HDAC9: variants seen among roughly 807,000 people sequenced by gnomAD.
HDAC9 encodes histone deacetylase 9, also known as MEF-2 interacting transcription repressor (MITR) protein.
In HDAC9, 41 loss-of-function variants were observed where a neutral mutation model predicts 139.4. The ratio of observed to expected loss-of-function variants is 0.29; its 90% CI spans 0.23 to 0.38. The LOEUF (loss-of-function observed/expected upper bound fraction) is 0.38, where lower values mean the gene tolerates loss of function less well. HDAC9 is among the 10% of genes least tolerant of loss of function. The pLI is 1.00. For synonymous variants in HDAC9, 517 were observed against 476.2 expected, an observed-to-expected ratio of 1.09 and a Z score of -1.12; for missense variants, 1,147 against 1,297.0, an observed-to-expected ratio of 0.88 and a Z score of 1.78.
At chr7:18,144,312 T>C (rs1786134808) in intron 1 of HDAC9, among the ~76,000 whole-genome samples, 1 of 152,202 alleles carries the variant, frequency 6.6e-6, no homozygotes, top group African/African-American at 2.4e-5. Flanking sequence ...TTGTTGTTCC[T>C]CATTCTTTGT....
chr7:18,338,488 CA>C (rs1781751451), intron 1 of HDAC9, among the ~76,000 whole-genome samples: 1 of 151,554 alleles, frequency 6.6e-6, no homozygotes, highest in South Asian at 2.1e-4. Context: ...TTGACATAAA[CA>C]AAAAGTTTAC....
chr7:18,957,945 G>C (rs1343833528), intron 24 of HDAC9, among the ~76,000 whole-genome samples: 1 of 152,176 alleles, frequency 6.6e-6, no homozygotes, highest in African/African-American at 2.4e-5. Context: ...ATTCAGGCAA[G>C]TCTCTAGATA....
At position 18,338,841 on chromosome 7, in the gene HDAC9, T is replaced by G. The variant is rs555465784; in HGVS notation, c.-42+48326T>G. On this transcript the variant is annotated intron_variant, in intron 1 of 3. Coordinates refer to the HDAC9 transcript ENST00000413509. ...GAAGTTTACAGAGAATTGGCATTAT[T>G]ATTATTTTTTTAAATCCTCGGTAGA... Among the ~76,000 whole-genome samples the G allele has an allele frequency of 2.6e-5, 4 of 151,646 alleles. No individual in the cohort carries two copies. In the East Asian group the frequency reaches 7.8e-4, roughly 29 times the overall value.
intron 13 of HDAC9, among the ~76,000 whole-genome samples, chr7:18,740,401 A>T (rs1412779851): frequency 6.6e-6 from 1 of 152,158 alleles, no homozygotes; most frequent in Non-Finnish European, 1.5e-5. Flanking sequence ...GCCATTTTGG[A>T]ATGGACCCAA....
At chr7:18,279,192 C>A (rs1796937120) in intron 2 of HDAC9, among the ~76,000 whole-genome samples, 1 of 152,052 alleles carries the variant, frequency 6.6e-6, no homozygotes, top group Non-Finnish European at 1.5e-5. Flanking sequence ...GTACTTGACA[C>A]AACACAAGGA....
chr7:18,379,691 C>T (rs1265664846), intron 1 of HDAC9, among the ~76,000 whole-genome samples: 1 of 152,138 alleles, frequency 6.6e-6, no homozygotes, highest in East Asian at 1.9e-4. Context: ...CTGAATTTTT[C>T]CCCCAGTATT....
intron 23 of HDAC9, among the ~76,000 whole-genome samples, chr7:18,948,415 G>C (rs1277865131): frequency 6.6e-6 from 1 of 151,840 alleles, no homozygotes; most frequent in Non-Finnish European, 1.5e-5. Flanking sequence ...CACTTAAAAG[G>C]TTTAGTAAAA....
intron 11 of HDAC9, among the ~76,000 whole-genome samples, chr7:18,660,083 G>T (rs574712845): frequency 2.1e-4 from 32 of 152,050 alleles, no homozygotes; most frequent in Non-Finnish European, 4.6e-4. Flanking sequence ...GTAAATAGTC[G>T]GAAATTTACA....
intron 1 of HDAC9, among the ~76,000 whole-genome samples, chr7:18,131,283 A>G (rs2128101842): frequency 6.6e-6 from 1 of 152,304 alleles, no homozygotes; most frequent in South Asian, 2.1e-4. Context: ...TTGATGATTC[A>G]GTGCCCAATA....
At chr7:18,954,338 A>G (rs540482753) in intron 24 of HDAC9, 108 bp downstream of exon 24, 1 of 883,404 alleles carries the variant, frequency 1.1e-6, no homozygotes, top group South Asian at 1.6e-5. Flanking sequence ...CATAATTTGC[A>G]CATGCGTTCT....
At chr7:18,135,073 T>G (rs57939025) in intron 1 of HDAC9, among the ~76,000 whole-genome samples, 24,818 of 152,088 alleles carry the variant, frequency 0.16, 2,460 homozygotes, top group South Asian at 0.34. Flanking sequence ...GAGTTCATCA[T>G]ATGTGACAGA....
intron 2 of HDAC9, among the ~76,000 whole-genome samples, chr7:18,580,709 C>A (rs545708451): frequency 6.6e-6 from 1 of 152,194 alleles, no homozygotes; most frequent in African/African-American, 2.4e-5. Flanking sequence ...TTGCATGTTC[C>A]CAGACAAGGA....
chr7:18,820,518 G>A (rs1794884222), intron 17 of HDAC9, among the ~76,000 whole-genome samples: 1 of 152,122 alleles, frequency 6.6e-6, no homozygotes, highest in Admixed American at 6.5e-5. Flanking sequence ...AGAAGGTGTT[G>A]TGCTCCCAAG....
At chr7:18,954,073 T>C in intron 23 of HDAC9, 73 bp from the exon 24 acceptor site, 8 of 1,019,382 alleles carry the variant, frequency 7.8e-6, no homozygotes, top group Non-Finnish European at 1.2e-5. Context: ...GTTGTTTCAG[T>C]TTGCTTTGCT....
chr7:18,328,728 A>G (rs755012494), intron 1 of HDAC9, among the ~76,000 whole-genome samples: 6 of 151,842 alleles, frequency 4.0e-5, no homozygotes, highest in Admixed American at 6.6e-5. Context: ...TTTTGCATCT[A>G]TGTTCATCAG....
chr7:18,512,942 C>T (rs1423870800), intron 2 of HDAC9, among the ~76,000 whole-genome samples: 1 of 152,134 alleles, frequency 6.6e-6, no homozygotes, highest in African/African-American at 2.4e-5. Context: ...GGGACATGCT[C>T]ACATAGATGA....
chr7:18,674,164 C>G (rs1425714733), intron 12 of HDAC9, among the ~76,000 whole-genome samples: 1 of 151,952 alleles, frequency 6.6e-6, no homozygotes, highest in Non-Finnish European at 1.5e-5. Context: ...TATTTCTTTA[C>G]TTCACCTTCA....
At chr7:18,459,962 G>A (rs571766605) in intron 1 of HDAC9, among the ~76,000 whole-genome samples, 4 of 133,946 alleles carry the variant, frequency 3.0e-5, no homozygotes, top group East Asian at 2.1e-4. Flanking sequence ...TTTTTTTTTC[G>A]AGACAGAGGT....
At chr7:18,825,306 A>T (rs973347271) in intron 17 of HDAC9, among the ~76,000 whole-genome samples, 35 of 152,182 alleles carry the variant, frequency 2.3e-4, no homozygotes, top group African/African-American at 7.7e-4. Context: ...TTCAGTATTT[A>T]AAAATGAGAA....
Sources: allele counts gnomAD v4.1 joint callset (sites outside exome capture counted in the v4.1 genomes callset), GRCh38; gene constraint gnomAD v4.1.1; transcripts MANE v1.5; gene names NCBI Gene and HGNC (gene_info 2026-07-23, HGNC 2026-07-21).